Variants in YBX1 observed in about 807,000 individuals in gnomAD.
YBX1 encodes Y-box binding protein 1, also known as Y-box-binding protein 1.
A neutral mutation model predicts 41.4 loss-of-function variants in YBX1; 3 were observed. The ratio of observed to expected loss-of-function variants is 0.07; its 90% CI spans 0.03 to 0.19. The LOEUF (loss-of-function observed/expected upper bound fraction) is 0.19, where lower values mean the gene tolerates loss of function less well. Among genes scored for constraint, YBX1 ranks in the 10% least tolerant of loss-of-function variants. The pLI is 1.00. For missense variants in YBX1, 274 were observed against 462.8 expected, an observed-to-expected ratio of 0.59 and a Z score of 3.74; for synonymous variants, 133 against 165.8, an observed-to-expected ratio of 0.80 and a Z score of 1.52.
In YBX1 at chr1:42,682,630, C is replaced by T. The variant is rs1650063130; in HGVS notation, c.65C>T (p.Ala22Val). The change falls in exon 1 of 8, where the codon GCC becomes GTC. Residue 22 changes from alanine (A) to valine (V), a missense_variant. Ala to Val is a moderately conservative substitution (Grantham distance 64). Coordinates refer to ENST00000321358, the MANE Select transcript of YBX1 (RefSeq NM_004559.5). ...AAPPAAPALS[A>V]ADTKPGTTGS... ...CCCCCCGCCGCCCCCGCCCTCAGCG[C>T]CGCCGACACCAAGCCCGGCACTACG... The T allele has an allele frequency of 1.6e-5, 23 of 1,408,338 alleles. No homozygotes were observed. Among genetic ancestry groups the T allele is most frequent in the Middle Eastern group, 5.2e-4 (2 of 3,880 alleles). 87.2% of individuals were successfully genotyped at this position (1,408,338 alleles called of 1,614,324 possible).
chr1:42,703,014 C>T lies in YBX1; in HGVS notation c.*1065C>T, dbSNP rs1650642825. Among the ~76,000 whole-genome samples, 1 of 152,174 alleles carries T rather than the reference C, an allele frequency of 6.6e-6. No homozygotes were observed. Among genetic ancestry groups the T allele is most frequent in the Non-Finnish European group, 1.5e-5 (1 of 68,024 alleles). On this transcript the variant is annotated 3_prime_UTR_variant, in exon 8 of 8. Coordinates refer to ENST00000321358, the MANE Select transcript of YBX1 (RefSeq NM_004559.5). Reference sequence around the variant, plus strand: ...CAATCTTGGCTCACTGCAACCTCCACCTCTAGGTTTAAGCGATTCTCCTGC... The same window carrying T: ...CAATCTTGGCTCACTGCAACCTCCATCTCTAGGTTTAAGCGATTCTCCTGC...
At chr1:42,687,363 C>T (rs534617964) in intron 2 of YBX1, among the ~76,000 whole-genome samples, 2 of 112,738 alleles carry the variant, frequency 1.8e-5, no homozygotes, top group African/African-American at 7.0e-5. Context: ...TGGCTCACTG[C>T]AACTCCGCCT....
intron 2 of YBX1, among the ~76,000 whole-genome samples, chr1:42,688,486 C>T (rs1650252435): frequency 6.6e-6 from 1 of 152,172 alleles, no homozygotes; most frequent in Non-Finnish European, 1.5e-5. Flanking sequence ...AACTGCACGA[C>T]ATTCACTGTA....
At chr1:42,695,670 T>TA (rs1306402521) in intron 3 of YBX1, among the ~76,000 whole-genome samples, 26 of 152,264 alleles carry the variant, frequency 1.7e-4, no homozygotes, top group Non-Finnish European at 3.1e-4. Flanking sequence ...ACATAGTTAA[T>TA]ACACATGAAT....
chr1:42,692,717 C>T (rs1007774109), intron 2 of YBX1, among the ~76,000 whole-genome samples: 2 of 152,164 alleles, frequency 1.3e-5, no homozygotes, highest in African/African-American at 4.8e-5. Flanking sequence ...CCACTGCAGG[C>T]CTGGAAATCC....
In YBX1 at chr1:42,696,522, C is replaced by CCGG; in HGVS notation, c.355-120_355-119insCGG. 6 of 637,548 alleles carry CCGG rather than the reference C, an allele frequency of 9.4e-6. No individual in the cohort carries two copies. The highest frequency in any genetic ancestry group is 9.5e-6 in the Non-Finnish European group (4 of 420,668). 39.5% of individuals were successfully genotyped at this position (637,548 alleles called of 1,614,324 possible). Reference sequence around the variant, plus strand: ...GGTCACGCAGTTGCGCCCCCCCCCCCTTTTTTTTCCTTAACTTTGTTGTTT... The same window carrying CCGG: ...GGTCACGCAGTTGCGCCCCCCCCCCCCGGTTTTTTTTCCTTAACTTTGTTGTTT... On this transcript the variant is annotated intron_variant, in intron 4 of 7. Coordinates refer to ENST00000321358, the MANE Select transcript of YBX1 (RefSeq NM_004559.5). The surrounding 1 kb of genome is among the most constrained non-coding windows in gnomAD (Gnocchi z 5.7).
At chr1:42,686,984 G>A (rs950367558) in intron 2 of YBX1, among the ~76,000 whole-genome samples, 1 of 152,140 alleles carries the variant, frequency 6.6e-6, no homozygotes, top group African/African-American at 2.4e-5. Context: ...TAATTTCTTA[G>A]GGTGATTATT....
At position 42,696,430 on chromosome 1, in the gene YBX1, C is replaced by A; in HGVS notation, c.354+142C>A. Reference sequence around the variant, plus strand: ...AGGTGCATCAAGCCTAATGTTCTGGCTGCAGTTAGAGGGCAATCTCTTCAG... The same window carrying A: ...AGGTGCATCAAGCCTAATGTTCTGGATGCAGTTAGAGGGCAATCTCTTCAG... On this transcript the variant is annotated intron_variant, in intron 4 of 7. Transcript: ENST00000321358. The surrounding 1 kb of genome is among the most constrained non-coding windows in gnomAD (Gnocchi z 5.7). 1.0e-6 allele frequency: 1 copy of A among 1,001,792 alleles called. No individual in the cohort carries two copies. Among genetic ancestry groups the A allele is most frequent in the Non-Finnish European group, 1.5e-6 (1 of 683,962 alleles). The allele number at this position is 1,001,792 out of a possible 1,614,324, so 62.1% of individuals were successfully genotyped here. A position where few individuals can be genotyped will look rare whatever the true frequency, so the allele number is the denominator to read the frequency against.
intron 2 of YBX1, among the ~76,000 whole-genome samples, chr1:42,688,934 G>A (rs986332699): frequency 6.6e-6 from 1 of 152,164 alleles, no homozygotes; most frequent in African/African-American, 2.4e-5. Flanking sequence ...GACAGAAAAT[G>A]TGTTAAGGAT....
intron 2 of YBX1, among the ~76,000 whole-genome samples, chr1:42,688,226 TACAC>T (rs757233562): frequency 6.6e-6 from 1 of 152,178 alleles, no homozygotes; most frequent in Non-Finnish European, 1.5e-5. Context: ...CAAGTCCACT[TACAC>T]ACAGATTTTT....
intron 2 of YBX1, among the ~76,000 whole-genome samples, chr1:42,684,135 T>C (rs1650132484): frequency 6.6e-6 from 1 of 152,258 alleles, no homozygotes; most frequent in African/African-American, 2.4e-5. Flanking sequence ...TTCTGTTAGA[T>C]CCCTGGCTGT....
At chr1:42,694,360 T>G (rs1222079898) in intron 3 of YBX1, among the ~76,000 whole-genome samples, 2 of 152,178 alleles carry the variant, frequency 1.3e-5, no homozygotes, top group Non-Finnish European at 2.9e-5. Context: ...TTGAATGTAC[T>G]TATCCTCACA....
At chr1:42,700,703 G>T in intron 6 of YBX1, 78 bp from the exon 7 acceptor site, 2 of 1,349,912 alleles carry the variant, frequency 1.5e-6, no homozygotes, top group Non-Finnish European at 2.0e-6. Context: ...AGTTAGTTGT[G>T]AACCAACTGG....
intron 2 of YBX1, among the ~76,000 whole-genome samples, chr1:42,685,868 G>A (rs1650182036): frequency 1.3e-5 from 2 of 152,194 alleles, no homozygotes; most frequent in African/African-American, 4.8e-5. Flanking sequence ...ATTAATTCAT[G>A]AAAGGGCTTC....
chr1:42,702,300 CA>C lies in YBX1; in HGVS notation c.*357del, dbSNP rs1198410299. Reference sequence around the variant, plus strand: ...ATAAAAGTTTACAACTTGATTTTTTCAAAAAAGTCAACAAACTGCAAGCACC... The same window carrying C: ...ATAAAAGTTTACAACTTGATTTTTTCAAAAAGTCAACAAACTGCAAGCACC... On this transcript the variant is annotated 3_prime_UTR_variant, in exon 8 of 8. Transcript: ENST00000321358. 1 of 152,340 alleles carries C rather than the reference CA, an allele frequency of 6.6e-6. No homozygotes were observed. The highest frequency in any genetic ancestry group is 1.5e-5 in the Non-Finnish European group (1 of 67,978). The allele number at this position is 152,340 out of a possible 1,614,324, so 9.4% of individuals were successfully genotyped here. A position where few individuals can be genotyped will look rare whatever the true frequency, so the allele number is the denominator to read the frequency against.
intron 1 of YBX1, 131 bp downstream of exon 1, chr1:42,682,862 C>T (rs1290780355): frequency 3.9e-5 from 15 of 380,078 alleles, no homozygotes; most frequent in Non-Finnish European, 5.4e-5. Context: ...CGCCCATCCC[C>T]CCCGTCCCCC....
intron 2 of YBX1, among the ~76,000 whole-genome samples, chr1:42,685,667 C>T (rs1650177298): frequency 6.6e-6 from 1 of 152,086 alleles, no homozygotes; most frequent in South Asian, 2.1e-4. Context: ...GTGCAGTGTT[C>T]GGGATGACTA....
Position 42,683,179 on chromosome 1 carries a change from T to C in YBX1, c.167-224T>C, listed in dbSNP as rs990193521. 15 of 661,732 alleles carry C rather than the reference T, an allele frequency of 2.3e-5. No individual in the cohort carries two copies. In the African/African-American group the frequency reaches 2.6e-4, roughly 12 times the overall value. The allele number at this position is 661,732 out of a possible 1,614,324, so 41.0% of individuals were successfully genotyped here. ...CCGCGGCCTGCGCACACACCCATCCTGGGGCCCGCGCCCCGGGCCTGCCCT... is the reference window on the plus strand; with the variant it reads ...CCGCGGCCTGCGCACACACCCATCCCGGGGCCCGCGCCCCGGGCCTGCCCT... On this transcript the variant is annotated intron_variant, in intron 1 of 7. Coordinates refer to ENST00000321358, the MANE Select transcript of YBX1 (RefSeq NM_004559.5).
chr1:42,682,869 C>G (rs1414344434), intron 1 of YBX1, 138 bp downstream of exon 1: 2 of 361,220 alleles, frequency 5.5e-6, no homozygotes, highest in Non-Finnish European at 8.9e-6. Context: ...CCCCCCCGTC[C>G]CCCCCTCACT....
Sources: allele counts gnomAD v4.1 joint callset (sites outside exome capture counted in the v4.1 genomes callset), GRCh38; gene constraint gnomAD v4.1.1; non-coding constraint Gnocchi (gnomAD v3.1); transcripts MANE v1.5; gene names NCBI Gene and HGNC (gene_info 2026-07-23, HGNC 2026-07-21).